SMC5: variants seen among roughly 807,000 people sequenced by gnomAD.
The protein encoded by SMC5 is structural maintenance of chromosomes 5.
A neutral mutation model predicts 148.3 loss-of-function variants in SMC5; 88 were observed. The observed-to-expected ratio is 0.59, with a 90% CI of 0.50 to 0.71. SMC5 has a LOEUF of 0.71. SMC5 is among the 30% of genes least tolerant of loss of function. The probability of loss-of-function intolerance (pLI) is 0.00; values close to 1 mark genes in which losing one functional copy is unlikely to be tolerated. For missense variants in SMC5, 1,142 were observed against 1,298.9 expected (o/e 0.88, Z 1.86); for synonymous variants, 421 against 432.8 (o/e 0.97, Z 0.34).
chr9:70,304,647 A>G (rs1269733011), intron 10 of SMC5, among the ~76,000 whole-genome samples: 2 of 152,224 alleles, frequency 1.3e-5, no homozygotes, highest in Non-Finnish European at 2.9e-5. Context: ...AGATCGTGCC[A>G]TTGCACTCCA....
chr9:70,298,007 A>C lies in SMC5; in HGVS notation c.1095A>C (p.Glu365Asp), dbSNP rs2035248812. Residue 365 changes from glutamate to aspartate, a missense_variant, in exon 9 of 25, where the codon GAA (glutamate) becomes GAC (aspartate). By Grantham distance (45) the Glu-to-Asp change is conservative. This residue lies in a region of SMC5 where 743 missense variants were observed against 835.7 expected (regional missense o/e 0.89). Transcript: ENST00000361138. ...LQQALIVKQNEELDRQRRIGN... is the reference protein window; with the variant it reads ...LQQALIVKQNDELDRQRRIGN... ...AGGCTTTAATAGTAAAGCAAAATGA[A>C]GAGCTTGACCGACAGAGGAGAATAG... is the stretch of plus-strand genomic sequence containing the variant. 4 of 1,613,858 alleles carry C rather than the reference A, an allele frequency of 2.5e-6. No homozygotes were observed. Among genetic ancestry groups the C allele is most frequent in the Non-Finnish European group, 2.5e-6 (3 of 1,179,898 alleles).
At chr9:70,323,656 G>A (rs760431959) in intron 16 of SMC5, 50 bp downstream of exon 16, 5 of 1,557,024 alleles carry the variant, frequency 3.2e-6, no homozygotes, top group Non-Finnish European at 4.3e-6. Context: ...ATAGCGGGCA[G>A]ATAAGATAGT....
At position 70,286,270 on chromosome 9, in the gene SMC5, A is replaced by C; in HGVS notation, c.1052A>C (p.His351Pro). ...KQDVIERKDK[H>P]IEELQQALIV... The stretch of plus-strand genomic sequence containing the variant: ...GATGTTATAGAAAGGAAAGATAAAC[A>C]TGTAAGGTTTCATACTAAAATTTTT... The change falls in exon 8 of 25, where the codon CAT (histidine) becomes CCT (proline). Residue 351 changes from histidine (H) to proline (P), a missense_variant and splice_region_variant. Coordinates refer to ENST00000361138, the MANE Select transcript of SMC5 (RefSeq NM_015110.4). 6.3e-7 allele frequency: 1 copy of C among 1,585,506 alleles called. No individual in the cohort carries two copies. Among genetic ancestry groups the C allele is most frequent in the Non-Finnish European group, 8.6e-7 (1 of 1,159,532 alleles).
chr9:70,286,008 GTTTA>G (rs1253674878), intron 7 of SMC5, among the ~76,000 whole-genome samples, 188 bp from the exon 8 acceptor site: 1 of 152,122 alleles, frequency 6.6e-6, no homozygotes, highest in African/African-American at 2.4e-5. Context: ...TACTGCAACT[GTTTA>G]TTAATATCAT....
At chr9:70,340,969 TTCTTA>T (rs2036506745) in intron 17 of SMC5, among the ~76,000 whole-genome samples, 1 of 152,142 alleles carries the variant, frequency 6.6e-6, no homozygotes, top group Non-Finnish European at 1.5e-5. Context: ...TTTCACTCAT[TTCTTA>T]TCTTACATCT....
intron 1 of SMC5, among the ~76,000 whole-genome samples, chr9:70,261,625 A>G (rs2034138817): frequency 6.6e-6 from 1 of 152,206 alleles, no homozygotes; most frequent in African/African-American, 2.4e-5. Flanking sequence ...GAAAATATGA[A>G]CAGATGAGAG....
chr9:70,262,509 G>C (rs1011608009), intron 1 of SMC5, among the ~76,000 whole-genome samples: 1 of 152,170 alleles, frequency 6.6e-6, no homozygotes, highest in African/African-American at 2.4e-5. Flanking sequence ...CTAATGCCTA[G>C]GTTTCTGATT....
At chr9:70,334,703 A>G (rs1587706648) in intron 17 of SMC5, among the ~76,000 whole-genome samples, 1 of 152,164 alleles carries the variant, frequency 6.6e-6, no homozygotes, top group African/African-American at 2.4e-5. Flanking sequence ...ATTGGCCTTT[A>G]AAGTTTGCTG....
At chr9:70,328,600 A>G (rs1190505723) in intron 17 of SMC5, among the ~76,000 whole-genome samples, 3 of 152,162 alleles carry the variant, frequency 2.0e-5, no homozygotes, top group Non-Finnish European at 2.9e-5. Flanking sequence ...TTCAGCCCCC[A>G]CAGCTGCTTT....
chr9:70,282,796 G>A (rs2034787553), intron 7 of SMC5, among the ~76,000 whole-genome samples: 1 of 152,260 alleles, frequency 6.6e-6, no homozygotes, highest in East Asian at 1.9e-4. Flanking sequence ...GATATAAAGA[G>A]AGAAAAGTGA....
chr9:70,262,221 CAT>C (rs1366036485), intron 1 of SMC5, among the ~76,000 whole-genome samples: 5 of 152,036 alleles, frequency 3.3e-5, no homozygotes, highest in Non-Finnish European at 5.9e-5. Flanking sequence ...GAAGGAATAA[CAT>C]GTGCAAATAC....
At chr9:70,347,850 A>G (rs566502491) in intron 21 of SMC5, 69 bp from the exon 22 acceptor site, 1 of 1,437,652 alleles carries the variant, frequency 7.0e-7, no homozygotes, top group Non-Finnish European at 9.4e-7. Context: ...TAAAATTTAC[A>G]TAAAATTGTG....
intron 8 of SMC5, among the ~76,000 whole-genome samples, chr9:70,292,822 C>G (rs1057335041): frequency 2.6e-5 from 4 of 151,996 alleles, no homozygotes; most frequent in African/African-American, 4.8e-5. Context: ...TTTTGACTAC[C>G]AAATCAATTT....
intron 17 of SMC5, among the ~76,000 whole-genome samples, chr9:70,336,938 C>T (rs2210085): frequency 0.099 from 15,078 of 152,188 alleles, 832 homozygotes; most frequent in African/African-American, 0.13. Flanking sequence ...GCCTCACAAT[C>T]ATGGCGGAAG....
intron 1 of SMC5, among the ~76,000 whole-genome samples, chr9:70,259,479 T>C (rs1250429535): frequency 1.3e-5 from 2 of 152,224 alleles, no homozygotes; most frequent in Non-Finnish European, 2.9e-5. Context: ...GATGTGGTTT[T>C]TAAATTTAGT....
intron 3 of SMC5, among the ~76,000 whole-genome samples, chr9:70,270,244 A>G (rs1220367287): frequency 6.6e-6 from 1 of 152,146 alleles, no homozygotes; most frequent in Non-Finnish European, 1.5e-5. Flanking sequence ...ATGTATTATA[A>G]AGGATACTAC....
chr9:70,278,400 C>T, intron 4 of SMC5, 91 bp from the exon 5 acceptor site: 1 of 1,267,830 alleles, frequency 7.9e-7, no homozygotes, highest in Non-Finnish European at 1.1e-6. Flanking sequence ...TAATGAGTTT[C>T]ACCTTGACAA....
chr9:70,314,858 A>G (rs970732851), intron 12 of SMC5, 22 bp downstream of exon 12: 17 of 1,218,148 alleles, frequency 1.4e-5, no homozygotes, highest in Middle Eastern at 4.7e-4. Context: ...AAATACTAAG[A>G]TTTATTTAAA....
At chr9:70,294,577 G>C (rs948358803) in intron 8 of SMC5, among the ~76,000 whole-genome samples, 1 of 152,036 alleles carries the variant, frequency 6.6e-6, no homozygotes, top group Non-Finnish European at 1.5e-5. Flanking sequence ...ACCTTGTGGG[G>C]GTCAAAAGAT....
Sources: gnomAD v4.1 joint callset for allele counts (sites outside exome capture counted in the v4.1 genomes callset) on GRCh38, gnomAD v4.1.1 for gene constraint, gnomAD v4.1.1 regional missense constraint, MANE v1.5 for transcripts, NCBI Gene and HGNC (gene_info 2026-07-23, HGNC 2026-07-21) for gene names.